The following CNTNAP5 variants were observed in gnomAD, a reference collection of about 807,000 sequenced individuals.
CNTNAP5 encodes contactin associated protein family member 5.
Under a neutral mutation model 150.2 loss-of-function variants are expected in CNTNAP5, and 72 were observed. That is an observed-to-expected ratio of 0.48 (90% CI 0.40 to 0.58). The LOEUF is 0.58. Among genes scored for constraint, CNTNAP5 ranks in the 20% least tolerant of loss-of-function variants. The pLI, the probability that CNTNAP5 is intolerant of heterozygous loss-of-function variation, is 0.00. For synonymous variants in CNTNAP5, 672 were observed against 619.8 expected, an observed-to-expected ratio of 1.08 and a Z score of -1.25; for missense variants, 1,636 against 1,626.2, an observed-to-expected ratio of 1.01 and a Z score of -0.10.
intron 3 of CNTNAP5, among the ~76,000 whole-genome samples, chr2:124,358,001 T>A (rs1160188342): frequency 3.3e-5 from 5 of 150,274 alleles, no homozygotes; most frequent in African/African-American, 1.2e-4. Flanking sequence ...GGTTTGTAGT[T>A]CTCCTTGAAG....
chr2:124,155,580 G>T (rs1036505454), intron 1 of CNTNAP5, among the ~76,000 whole-genome samples: 1 of 152,162 alleles, frequency 6.6e-6, no homozygotes, highest in African/African-American at 2.4e-5. Flanking sequence ...CACTCTTTCT[G>T]TTCCATCTCC....
At chr2:124,676,139 T>C (rs534164204) in intron 13 of CNTNAP5, among the ~76,000 whole-genome samples, 12 of 152,202 alleles carry the variant, frequency 7.9e-5, no homozygotes, top group Non-Finnish European at 1.6e-4. Flanking sequence ...TTAGATTACA[T>C]TTCTTAAATG....
chr2:124,263,161 A>G (rs1241276110), intron 3 of CNTNAP5, among the ~76,000 whole-genome samples: 2 of 152,162 alleles, frequency 1.3e-5, no homozygotes, highest in African/African-American at 4.8e-5. Flanking sequence ...TTGGGTATAT[A>G]CCCAGTAATG....
At chr2:124,156,739 T>A (rs2104642658) in intron 1 of CNTNAP5, among the ~76,000 whole-genome samples, 1 of 152,268 alleles carries the variant, frequency 6.6e-6, no homozygotes, top group East Asian at 1.9e-4. Flanking sequence ...TCCACCCACC[T>A]CGGCCTCCCA....
chr2:124,214,208 A>G (rs755516549), intron 1 of CNTNAP5, among the ~76,000 whole-genome samples: 16 of 152,138 alleles, frequency 1.1e-4, no homozygotes, highest in Non-Finnish European at 2.2e-4. Flanking sequence ...CTACCTTGTT[A>G]TGCTTATGGG....
intron 1 of CNTNAP5, among the ~76,000 whole-genome samples, chr2:124,093,295 G>A (rs952366891): frequency 6.6e-6 from 1 of 152,192 alleles, no homozygotes; most frequent in Non-Finnish European, 1.5e-5. Context: ...TGGGAACTAA[G>A]AATAGCTACC....
chr2:124,840,980 A>AT (rs1215346431), intron 19 of CNTNAP5, among the ~76,000 whole-genome samples: 1 of 151,956 alleles, frequency 6.6e-6, no homozygotes, highest in African/African-American at 2.4e-5. Context: ...CTCAACATAC[A>AT]TTTTTTGAAT....
chr2:124,434,416 G>C (rs1573992747), intron 4 of CNTNAP5, 68 bp from the exon 5 acceptor site: 2 of 1,183,690 alleles, frequency 1.7e-6, no homozygotes, highest in East Asian at 4.7e-5. Context: ...GAAATAAGAT[G>C]GGAAACAGTA....
chr2:124,320,443 A>G (rs1209648027), intron 3 of CNTNAP5, among the ~76,000 whole-genome samples: 2 of 152,228 alleles, frequency 1.3e-5, no homozygotes, highest in Non-Finnish European at 2.9e-5. Context: ...TAACTGAAAT[A>G]GTGTGACCTC....
intron 19 of CNTNAP5, among the ~76,000 whole-genome samples, chr2:124,820,329 T>C (rs1682458371): frequency 6.6e-6 from 1 of 152,088 alleles, no homozygotes; most frequent in African/African-American, 2.4e-5. Flanking sequence ...GCCCATTCTA[T>C]CACACATTGA....
At chr2:124,585,971 G>A (rs1696527250) in intron 11 of CNTNAP5, among the ~76,000 whole-genome samples, 2 of 152,090 alleles carry the variant, frequency 1.3e-5, no homozygotes, top group African/African-American at 2.4e-5. Context: ...ATGAAACAAA[G>A]TGTGAACCTC....
chr2:124,285,598 A>G (rs1688130786), intron 3 of CNTNAP5, among the ~76,000 whole-genome samples: 2 of 151,994 alleles, frequency 1.3e-5, no homozygotes. Context: ...CTAAGGGTTC[A>G]AGACCAGCCT....
chr2:124,917,786 C>T lies in CNTNAP5; in HGVS notation c.*3498C>T, dbSNP rs1253976453. ...ACACCTTGTTTTTGCCCTTGGGGAG[C>T]TCAAAGTCTAGCTGGCAAGGCATGT... On this transcript the variant is annotated 3_prime_UTR_variant, in exon 24 of 24. Transcript: ENST00000682447. 6.6e-6 allele frequency among the ~76,000 whole-genome samples: 1 copy of T among 152,014 alleles called. No homozygotes were observed. The highest frequency in any genetic ancestry group is 2.4e-5 in the African/African-American group (1 of 41,426).
At chr2:124,447,523 C>T (rs1692851499) in intron 6 of CNTNAP5, among the ~76,000 whole-genome samples, 1 of 152,106 alleles carries the variant, frequency 6.6e-6, no homozygotes, top group African/African-American at 2.4e-5. Context: ...TAGTTCAGTT[C>T]AAGGAATGCA....
At chr2:124,139,813 G>C (rs911762629) in intron 1 of CNTNAP5, among the ~76,000 whole-genome samples, 4 of 152,098 alleles carry the variant, frequency 2.6e-5, no homozygotes, top group Admixed American at 6.5e-5. Context: ...GAACAGCTCC[G>C]GTCTACAGCT....
At position 124,790,012 on chromosome 2, in the gene CNTNAP5, C is replaced by A. The variant is rs541671672; in HGVS notation, c.2863C>A (p.Pro955Thr). 1.9e-6 allele frequency: 3 copies of A among 1,613,934 alleles called. No homozygotes were observed. The highest frequency in any genetic ancestry group is 2.5e-6 in the Non-Finnish European group (3 of 1,179,848). ...GGCAAAGGTCACATCTGGAGTCAGG[C>A]CAGGCTGCCCCGGCCACTGCAGCAG... The part of the protein sequence containing the change: ...ERAKVTSGVR[P>T]GCPGHCSSYG... Residue 955 changes from proline (P) to threonine (T), a missense_variant, in exon 18 of 24, where the codon CCA becomes ACA. Pro to Thr is a conservative substitution (Grantham distance 38, BLOSUM62 -1). Coordinates refer to ENST00000682447, the MANE Select transcript of CNTNAP5 (RefSeq NM_001367498.1).
chr2:124,643,177 C>T lies in CNTNAP5; in HGVS notation c.1877-4581C>T, dbSNP rs573430075. The stretch of plus-strand genomic sequence containing the variant: ...TTTCCCAGCTAATGATGAACAGGTT[C>T]CTGCCTATTCAAAAATCTCCAAATG... On this transcript the variant is annotated intron_variant, in intron 12 of 23. Transcript: ENST00000682447. 4.6e-5 allele frequency among the ~76,000 whole-genome samples: 7 copies of T among 152,290 alleles called. No individual in the cohort carries two copies. In the South Asian group the frequency reaches 1.4e-3, roughly 32 times the overall value.
chr2:124,749,545 C>T (rs553620975), intron 14 of CNTNAP5, among the ~76,000 whole-genome samples: 1 of 152,242 alleles, frequency 6.6e-6, no homozygotes, highest in Admixed American at 6.5e-5. Context: ...CTGCCTCAGG[C>T]TCCTGAGTAG....
chr2:124,604,320 A>T (rs1697054451), intron 11 of CNTNAP5, among the ~76,000 whole-genome samples: 1 of 152,218 alleles, frequency 6.6e-6, no homozygotes, highest in Admixed American at 6.5e-5. Context: ...ATAATATAAT[A>T]GCAATATCGT....
Sources: gnomAD v4.1 joint callset for allele counts (sites outside exome capture counted in the v4.1 genomes callset) on GRCh38, gnomAD v4.1.1 for gene constraint, MANE v1.5 for transcripts, NCBI Gene and HGNC (gene_info 2026-07-23, HGNC 2026-07-21) for gene names.